The following EPB41L4B variants were observed in gnomAD, a reference collection of about 807,000 sequenced individuals.
EPB41L4B encodes erythrocyte membrane protein band 4.1 like 4B.
A neutral mutation model predicts 112.5 loss-of-function variants in EPB41L4B; 30 were observed. The observed-to-expected ratio is 0.27, with a 90% CI of 0.20 to 0.36. The LOEUF (loss-of-function observed/expected upper bound fraction) is 0.36. Ranked by LOEUF, EPB41L4B falls within the 10% of genes least tolerant of loss-of-function variation. The pLI is 1.00. For missense variants in EPB41L4B, 1,024 were observed against 1,133.3 expected (o/e 0.90, Z 1.38); for synonymous variants, 408 against 439.7 (o/e 0.93, Z 0.90).
chr9:109,305,398 C>G (rs1837142715), intron 1 of EPB41L4B, among the ~76,000 whole-genome samples: 1 of 152,168 alleles, frequency 6.6e-6, no homozygotes, highest in Non-Finnish European at 1.5e-5. Context: ...GCGGGTGGAT[C>G]ACTTGTGGTC....
chr9:109,290,935 T>C (rs377121041), intron 1 of EPB41L4B, among the ~76,000 whole-genome samples: 1 of 152,094 alleles, frequency 6.6e-6, no homozygotes, highest in Non-Finnish European at 1.5e-5. Flanking sequence ...AGAAATACCA[T>C]CTCAGCCATC....
At chr9:109,292,733 A>AG (rs371187227) in intron 1 of EPB41L4B, among the ~76,000 whole-genome samples, 42 of 152,284 alleles carry the variant, frequency 2.8e-4, no homozygotes, top group African/African-American at 9.6e-4. Flanking sequence ...TTATCAAGAG[A>AG]GGGGGTCTCT....
At chr9:109,251,382 A>G in intron 13 of EPB41L4B, 99 bp downstream of exon 13, 1 of 1,178,618 alleles carries the variant, frequency 8.5e-7, no homozygotes, top group East Asian at 2.3e-5. Flanking sequence ...ACCAGATGAC[A>G]CACTTCCTGA....
chr9:109,262,744 C>T (rs145451161), intron 6 of EPB41L4B, among the ~76,000 whole-genome samples: 11 of 152,346 alleles, frequency 7.2e-5, no homozygotes, highest in South Asian at 6.2e-4. Context: ...TGTAGCATCA[C>T]TCAACTGCTG....
At chr9:109,211,904 T>TGG (rs10683465) in intron 17 of EPB41L4B, among the ~76,000 whole-genome samples, 53,215 of 148,158 alleles carry the variant, frequency 0.36, 10,073 homozygotes, top group Middle Eastern at 0.45. Flanking sequence ...ATAGTAGAGA[T>TGG]GGGGGGGGTC....
intron 16 of EPB41L4B, among the ~76,000 whole-genome samples, chr9:109,215,432 A>G (rs1833327458): frequency 6.6e-6 from 1 of 152,102 alleles, no homozygotes; most frequent in Non-Finnish European, 1.5e-5. Context: ...GGTGCACGCC[A>G]CCAGGCCCAG....
chr9:109,175,104 AC>A (rs1017421655), intron 25 of EPB41L4B, among the ~76,000 whole-genome samples: 6 of 151,368 alleles, frequency 4.0e-5, no homozygotes, highest in African/African-American at 1.5e-4. Flanking sequence ...TTTAGTAGAG[AC>A]GGGGTTTCAC....
chr9:109,216,301 C>T (rs1470562290), intron 16 of EPB41L4B, among the ~76,000 whole-genome samples: 1 of 151,932 alleles, frequency 6.6e-6, no homozygotes, highest in Non-Finnish European at 1.5e-5. Context: ...AGGCACTAAT[C>T]TATTCATAAG....
intron 16 of EPB41L4B, 56 bp from the exon 17 acceptor site, chr9:109,213,874 A>C (rs574493747): frequency 4.1e-5 from 61 of 1,501,266 alleles, no homozygotes; most frequent in Non-Finnish European, 5.4e-5. Context: ...AGATAGATAC[A>C]GGGGAAAAGG....
chr9:109,296,544 C>T (rs1386563176), intron 1 of EPB41L4B, among the ~76,000 whole-genome samples: 1 of 152,040 alleles, frequency 6.6e-6, no homozygotes, highest in African/African-American at 2.4e-5. Context: ...ATGGGACGGG[C>T]CTGGGGATGA....
At chr9:109,203,777 T>C (rs1355042963) in intron 18 of EPB41L4B, 47 bp from the exon 19 acceptor site, 3 of 1,494,894 alleles carry the variant, frequency 2.0e-6, no homozygotes, top group African/African-American at 2.8e-5. Context: ...TATGTTGGCA[T>C]GCAAAAAATG....
chr9:109,236,820 C>T (rs542805997), intron 15 of EPB41L4B, among the ~76,000 whole-genome samples: 4 of 152,180 alleles, frequency 2.6e-5, no homozygotes, highest in South Asian at 2.1e-4. Context: ...CTTTTTCTCT[C>T]CGCCCCCTTA....
chr9:109,279,888 T>G lies in EPB41L4B; in HGVS notation c.340A>C (p.Ile114Leu). 1 of 1,614,014 alleles carries G rather than the reference T, an allele frequency of 6.2e-7. No individual in the cohort carries two copies. Among genetic ancestry groups the G allele is most frequent in the Non-Finnish European group, 8.5e-7 (1 of 1,179,972 alleles). Residue 114 changes from isoleucine to leucine, a missense_variant, in exon 2 of 26, where the codon ATT (isoleucine) becomes CTT (leucine). By Grantham distance (5) the Ile-to-Leu change is conservative (BLOSUM62 2). Coordinates refer to ENST00000374566, the MANE Select transcript of EPB41L4B (RefSeq NM_019114.5). ...TCCACAAGGTCCAAGTGGTACACAA[T>G]CTGATCAAACAAATCCTGGCCTTTG... ...HAKGQDLFDQ[I>L]VYHLDLVETD...
At chr9:109,192,255 T>C in intron 22 of EPB41L4B, 23 bp downstream of exon 22, 1 of 1,592,112 alleles carries the variant, frequency 6.3e-7, no homozygotes, top group Non-Finnish European at 8.6e-7. Flanking sequence ...ACTTTTCTGG[T>C]TTTAGCAAAA....
intron 15 of EPB41L4B, among the ~76,000 whole-genome samples, chr9:109,235,457 G>A (rs574279004): frequency 1.7e-3 from 240 of 142,240 alleles, no homozygotes; most frequent in African/African-American, 5.9e-3. Context: ...GTGCAATGGC[G>A]TGATCTTGGC....
At chr9:109,200,505 A>T (rs1225249262) in intron 19 of EPB41L4B, among the ~76,000 whole-genome samples, 171 bp from the exon 20 acceptor site, 1 of 152,174 alleles carries the variant, frequency 6.6e-6, no homozygotes, top group Non-Finnish European at 1.5e-5. Flanking sequence ...ATTATATTTT[A>T]AAACCATAGA....
At chr9:109,296,323 G>A (rs1260267791) in intron 1 of EPB41L4B, among the ~76,000 whole-genome samples, 1 of 152,170 alleles carries the variant, frequency 6.6e-6, no homozygotes, top group Non-Finnish European at 1.5e-5. Context: ...CCATAGCCCT[G>A]AAATCATAGT....
At chr9:109,246,948 G>A (rs1262014046) in intron 14 of EPB41L4B, among the ~76,000 whole-genome samples, 1 of 152,140 alleles carries the variant, frequency 6.6e-6, no homozygotes, top group Non-Finnish European at 1.5e-5. Flanking sequence ...AAAATGGTAG[G>A]GGTTGAGGCT....
chr9:109,270,136 C>T (rs564471026), intron 2 of EPB41L4B, among the ~76,000 whole-genome samples: 18 of 151,874 alleles, frequency 1.2e-4, no homozygotes, highest in Middle Eastern at 3.4e-3. Context: ...TCAACAAAGA[C>T]GGATTAGAAA....
Sources: gnomAD v4.1 joint callset for allele counts (sites outside exome capture counted in the v4.1 genomes callset) on GRCh38, gnomAD v4.1.1 for gene constraint, MANE v1.5 for transcripts, NCBI Gene and HGNC (gene_info 2026-07-23, HGNC 2026-07-21) for gene names.